The following ZNF33A variants were observed in gnomAD, a reference collection of about 807,000 sequenced individuals.
The protein encoded by ZNF33A is brain my041 protein.
A neutral mutation model predicts 15.9 loss-of-function variants in ZNF33A; 9 were observed. That is an observed-to-expected ratio of 0.57 (90% CI 0.34 to 0.99). The LOEUF (loss-of-function observed/expected upper bound fraction) is 0.99, where lower values mean the gene tolerates loss of function less well. Among genes scored for constraint, ZNF33A ranks in the 50% least tolerant of loss-of-function variants. The pLI is 0.02. For missense variants in ZNF33A, 843 were observed against 941.6 expected (o/e 0.90, Z 1.37); for synonymous variants, 294 against 324.2 (o/e 0.91, Z 1.00).
chr10:38,055,767 CA>C lies in ZNF33A; in HGVS notation c.1644del (p.Gln550ArgfsTer47), dbSNP rs2066446136. 1.3e-6 allele frequency: 2 copies of C among 1,581,438 alleles called. No homozygotes were observed. The highest frequency in any genetic ancestry group is 2.7e-5 in the African/African-American group (2 of 73,940). ...SDLTVHQRTH[T>X]GQKPFACPEC... ...CTCACAGTACATCAGAGAACACACA[CA>C]GGGCAGAAACCCTTTGCATGTCCCG... On this transcript the variant is annotated frameshift_variant, in exon 5 of 5. Transcript: ENST00000432900. LOFTEE classifies it low-confidence loss of function (END_TRUNC).
chr10:38,054,296 G>A, intron 4 of ZNF33A, 79 bp from the exon 5 acceptor site: 7 of 1,387,182 alleles, frequency 5.0e-6, no homozygotes, highest in Non-Finnish European at 5.7e-6. Flanking sequence ...GCTGCAACAT[G>A]GGGCATTTGT....
chr10:38,017,515 A>T (rs1345646899), intron 4 of ZNF33A, 129 bp downstream of exon 4: 2 of 617,142 alleles, frequency 3.2e-6, no homozygotes, highest in Non-Finnish European at 5.7e-6. Flanking sequence ...TCTGGAAGTG[A>T]TGGAGAATAT....
intron 4 of ZNF33A, among the ~76,000 whole-genome samples, chr10:38,021,286 A>G (rs369081887): frequency 3.9e-5 from 6 of 152,240 alleles, no homozygotes; most frequent in South Asian, 2.1e-4. Flanking sequence ...CAAAAATGCA[A>G]TGATCCTAAA....
Position 38,014,840 on chromosome 10 carries a change from T to G in ZNF33A, c.10-2031T>G, listed in dbSNP as rs2064371531. Among the ~76,000 whole-genome samples the G allele has an allele frequency of 3.3e-5, 5 of 152,202 alleles. 1 individual carries two copies. In the South Asian group the frequency reaches 1.0e-3, roughly 31 times the overall value. ...TATTAATAAAATAACTTGCTGAGAC[T>G]TTCTTTGGGGTTGAATTGAACCTAT... On this transcript the variant is annotated intron_variant, in intron 2 of 4. Coordinates refer to ENST00000432900, the MANE Select transcript of ZNF33A (RefSeq NM_006954.2).
chr10:38,036,762 G>A (rs1723661246), intron 4 of ZNF33A, among the ~76,000 whole-genome samples: 1 of 152,106 alleles, frequency 6.6e-6, no homozygotes, highest in African/African-American at 2.4e-5. Flanking sequence ...AACAAAATAA[G>A]AGGCATACAG....
rs780516804 is a variant in ZNF33A, at chr10:38,017,309, C to G, written c.173C>G (p.Pro58Arg). The G allele has an allele frequency of 6.2e-7, 1 of 1,613,870 alleles. No homozygotes were observed. The highest frequency in any genetic ancestry group is 1.1e-5 in the South Asian group (1 of 91,074). The change falls in exon 4 of 5, where the codon CCA (proline) becomes CGA (arginine). Residue 58 changes from proline to arginine, a missense_variant. By Grantham distance (103) the Pro-to-Arg change is moderately radical. Coordinates refer to ENST00000432900, the MANE Select transcript of ZNF33A (RefSeq NM_006954.2). Reference sequence around the variant, plus strand: ...TTAACAGGGTATTGTGTTCACAAACCAGAGGTGATCTTCAGGCTGCAACAA... The same window carrying G: ...TTAACAGGGTATTGTGTTCACAAACGAGAGGTGATCTTCAGGCTGCAACAA... Reference protein sequence around the residue: ...LVSVGYCVHKPEVIFRLQQGE... With the variant: ...LVSVGYCVHKREVIFRLQQGE...
chr10:38,063,647 G>T (rs980018661), downstream of ZNF33A, among the ~76,000 whole-genome samples: 1 of 152,158 alleles, frequency 6.6e-6, no homozygotes, highest in Non-Finnish European at 1.5e-5. Context: ...TAGATAGATA[G>T]TGAGGTAACT....
At chr10:38,061,153 C>T (rs554025601), downstream of ZNF33A, among the ~76,000 whole-genome samples, 125 of 152,254 alleles carry the variant, frequency 8.2e-4, 1 homozygote, top group Middle Eastern at 3.4e-3. Context: ...ACTGCACACC[C>T]CTGGCTTGGG....
At chr10:38,014,965 C>G (rs1442317664) in intron 2 of ZNF33A, among the ~76,000 whole-genome samples, 1 of 152,012 alleles carries the variant, frequency 6.6e-6, no homozygotes, top group East Asian at 1.9e-4. Flanking sequence ...CTCCACCTCC[C>G]GGGTTCAAGT....
intron 4 of ZNF33A, among the ~76,000 whole-genome samples, chr10:38,028,614 C>T (rs887957055): frequency 1.3e-5 from 2 of 151,980 alleles, no homozygotes; most frequent in African/African-American, 2.4e-5. Context: ...ACTACAGGCA[C>T]GTGCCACCAC....
intron 4 of ZNF33A, among the ~76,000 whole-genome samples, chr10:38,046,080 G>C (rs2065936272): frequency 6.6e-6 from 1 of 152,118 alleles, no homozygotes; most frequent in South Asian, 2.1e-4. Context: ...GCCATGACTG[G>C]GCTGGATATT....
intron 2 of ZNF33A, among the ~76,000 whole-genome samples, chr10:38,014,371 T>C (rs1258592402): frequency 6.6e-6 from 1 of 152,198 alleles, no homozygotes; most frequent in Non-Finnish European, 1.5e-5. Context: ...AGAAGAAGTT[T>C]ACCAATCCCT....
chr10:38,046,728 A>G (rs968319692), intron 4 of ZNF33A, among the ~76,000 whole-genome samples: 14 of 152,202 alleles, frequency 9.2e-5, no homozygotes, highest in African/African-American at 3.4e-4. Context: ...GAATTAACTG[A>G]CAAGTTCATT....
At chr10:38,016,041 C>T (rs953282723) in intron 2 of ZNF33A, 1 of 1,229,574 alleles carries the variant, frequency 8.1e-7, no homozygotes, top group Non-Finnish European at 1.0e-6. Flanking sequence ...CTGTACTCCA[C>T]AGAGGTTTCA....
downstream of ZNF33A, among the ~76,000 whole-genome samples, chr10:38,061,851 G>A (rs950019818): frequency 2.6e-5 from 4 of 152,162 alleles, no homozygotes; most frequent in East Asian, 1.9e-4. Context: ...CAGCTAGTTG[G>A]GAGGCTGAAG....
chr10:38,054,176 A>C (rs1355933159), intron 4 of ZNF33A, among the ~76,000 whole-genome samples, 199 bp from the exon 5 acceptor site: 1 of 151,992 alleles, frequency 6.6e-6, no homozygotes, highest in Non-Finnish European at 1.5e-5. Context: ...CTAGCCTAGG[A>C]CTTTTGTTTC....
chr10:38,031,632 T>C lies in ZNF33A; in HGVS notation c.250+14246T>C, dbSNP rs2065214674. Reference sequence around the variant, plus strand: ...TCTCCAAATAAAAAGTTTTGTAAATTACCTGCCAACTATAAATAATTCAGC... The same window carrying C: ...TCTCCAAATAAAAAGTTTTGTAAATCACCTGCCAACTATAAATAATTCAGC... On this transcript the variant is annotated intron_variant, in intron 4 of 4. Transcript: ENST00000432900. Among the ~76,000 whole-genome samples the C allele has an allele frequency of 2.6e-5, 4 of 151,108 alleles. No individual in the cohort carries two copies. The South Asian group carries it at 8.4e-4, about 32-fold the overall frequency.
intron 4 of ZNF33A, among the ~76,000 whole-genome samples, chr10:38,050,107 G>C (rs539034370): frequency 2.9e-4 from 44 of 152,276 alleles, no homozygotes; most frequent in South Asian, 1.0e-3. Context: ...CTTCTATACA[G>C]ACTTTTCCAG....
At chr10:38,011,446 G>A (rs981066302) in intron 1 of ZNF33A, among the ~76,000 whole-genome samples, 2 of 152,084 alleles carry the variant, frequency 1.3e-5, no homozygotes, top group African/African-American at 4.8e-5. Flanking sequence ...GTAGCCGGGC[G>A]TGGTGGCGCA....
Sources: gnomAD v4.1 joint callset for allele counts (sites outside exome capture counted in the v4.1 genomes callset) on GRCh38, gnomAD v4.1.1 for gene constraint, MANE v1.5 for transcripts, NCBI Gene and HGNC (gene_info 2026-07-23, HGNC 2026-07-21) for gene names.